CNOT1: variants seen among roughly 807,000 people sequenced by gnomAD.
CNOT1 encodes the protein CCR4-NOT transcription complex subunit 1.
CNOT1 carries 15 observed loss-of-function variants against 273.8 expected under a neutral mutation model. That is an observed-to-expected ratio of 0.05 (90% CI 0.04 to 0.08). The LOEUF is 0.08. Ranked by LOEUF, CNOT1 falls within the 10% of genes least tolerant of loss-of-function variation. The pLI is 1.00. For synonymous variants in CNOT1, 1,022 were observed against 1,005.5 expected (o/e 1.02, Z -0.31); for missense variants, 1,644 against 2,912.2 (o/e 0.56, Z 10.02).
chr16:58,620,653 T>TAAAAAAAAAAAAAA (rs200053031), intron 1 of CNOT1, among the ~76,000 whole-genome samples: 4 of 106,836 alleles, frequency 3.7e-5, no homozygotes, highest in African/African-American at 1.5e-4. Context: ...CTGTCTCATT[T>TAAAAAAAAAAAAAA]AAAAAAAAAA....
At chr16:58,574,948 G>C in intron 15 of CNOT1, 59 bp downstream of exon 15, 5 of 1,596,388 alleles carry the variant, frequency 3.1e-6, no homozygotes, top group Non-Finnish European at 4.3e-6. Context: ...AGTTGTACTT[G>C]ATAGCCATTT....
At position 58,546,590 on chromosome 16, in the gene CNOT1, C is replaced by A; in HGVS notation, c.3828+82G>T. On this transcript the variant is annotated intron_variant, in intron 28 of 48. Transcript: ENST00000317147. ...TACTTTCAGTTATTATAGTACTTCC[C>A]CCGAAATACCCTGCCTTCACTGTAA... The A allele has an allele frequency of 1.9e-6, 3 of 1,608,250 alleles. No homozygotes were observed. In the South Asian group the frequency reaches 3.3e-5, roughly 18 times the overall value.
chr16:58,541,487 T>C lies in CNOT1; in HGVS notation c.4800+14A>G, dbSNP rs747283789. ...AATTGGCAAAACACTCAATTTAATC[T>C]AAAACACATTTACCTTCATGGGCTG... On this transcript the variant is annotated intron_variant, in intron 34 of 48. Coordinates refer to ENST00000317147, the MANE Select transcript of CNOT1 (RefSeq NM_016284.5). 6.2e-7 allele frequency: 1 copy of C among 1,609,362 alleles called. No homozygotes were observed. Among genetic ancestry groups the C allele is most frequent in the Non-Finnish European group, 8.5e-7 (1 of 1,177,836 alleles).
At chr16:58,587,754 C>G in intron 4 of CNOT1, 26 bp downstream of exon 4, 1 of 1,609,018 alleles carries the variant, frequency 6.2e-7, no homozygotes. Context: ...AGAGATCACA[C>G]TCTTAAAGAT....
chr16:58,528,413 T>G, intron 44 of CNOT1, 62 bp downstream of exon 44: 2 of 1,190,602 alleles, frequency 1.7e-6, no homozygotes, highest in Non-Finnish European at 1.2e-6. Context: ...AACAGTCTAC[T>G]TATCAGAGAA....
chr16:58,552,695 A>G (rs146870677), intron 22 of CNOT1, among the ~76,000 whole-genome samples: 4 of 152,348 alleles, frequency 2.6e-5, no homozygotes, highest in East Asian at 1.9e-4. Flanking sequence ...AAAATACAGA[A>G]TATCAAGTAG....
chr16:58,551,192 A>G lies in CNOT1; in HGVS notation c.3282T>C (p.Asn1094=). 6.2e-7 allele frequency: 1 copy of G among 1,610,484 alleles called. No homozygotes were observed. Among genetic ancestry groups the G allele is most frequent in the Non-Finnish European group, 8.5e-7 (1 of 1,179,102 alleles). Residue 1094 remains asparagine, a synonymous_variant, in exon 24 of 49, where the codon AAT becomes AAC. Transcript: ENST00000317147. ...QTERIVEPPE[N]IQEKIAFIFN... is the part of the protein sequence containing the mutation. ...AAATAAAAGCAATTTTCTCCTGGAT[A>G]TTTTCTGGGGGCTCCACAATTCTCT...
chr16:58,522,237 C>CAAA (rs56149974), intron 47 of CNOT1, among the ~76,000 whole-genome samples: 30 of 98,580 alleles, frequency 3.0e-4, no homozygotes, highest in Admixed American at 1.2e-3. Flanking sequence ...GAGACTGTCT[C>CAAA]AAAAAAAAAA....
intron 13 of CNOT1, among the ~76,000 whole-genome samples, chr16:58,577,766 G>A (rs1306418199): frequency 6.6e-6 from 1 of 151,828 alleles, no homozygotes; most frequent in East Asian, 1.9e-4. Context: ...ACTGAGCCTG[G>A]GAGGTTGAGG....
rs181552081 is a variant in CNOT1, at chr16:58,571,669, G to A, written c.1979+2940C>T. On this transcript the variant is annotated intron_variant, in intron 16 of 48. Coordinates refer to ENST00000317147, the MANE Select transcript of CNOT1 (RefSeq NM_016284.5). ...ACGGAAAAACTGACAAAACTGAAGG[G>A]AGAAAAAGACAGTTAAAATAATAGG... 5.1e-4 allele frequency among the ~76,000 whole-genome samples: 78 copies of A among 151,984 alleles called. No homozygotes were observed. In the East Asian group the frequency reaches 0.012, roughly 23 times the overall value.
At chr16:58,625,378 G>A (rs962165897) in intron 1 of CNOT1, among the ~76,000 whole-genome samples, 8 of 152,192 alleles carry the variant, frequency 5.3e-5, no homozygotes, top group African/African-American at 1.4e-4. Context: ...CGGGCATGGC[G>A]GCGTGCGCCT....
chr16:58,564,199 T>C (rs2040957892), intron 16 of CNOT1, among the ~76,000 whole-genome samples: 1 of 152,126 alleles, frequency 6.6e-6, no homozygotes, highest in African/African-American at 2.4e-5. Context: ...TGATAGTGAC[T>C]AACTACAGGA....
chr16:58,555,187 G>C lies in CNOT1; in HGVS notation c.2891+64C>G, dbSNP rs1370773888. 1.9e-6 allele frequency: 3 copies of C among 1,571,376 alleles called. No homozygotes were observed. The African/African-American group carries it at 4.1e-5, about 21-fold the overall frequency. ...TGCGCCACTGCACTCCAGCCTGGAT[G>C]AGAGTTAAGACCCTGTCTGCGGGGT... On this transcript the variant is annotated intron_variant, in intron 21 of 48. Coordinates refer to ENST00000317147, the MANE Select transcript of CNOT1 (RefSeq NM_016284.5).
chr16:58,550,840 C>T (rs1164293186), intron 24 of CNOT1, among the ~76,000 whole-genome samples: 1 of 131,602 alleles, frequency 7.6e-6, no homozygotes. Flanking sequence ...GTAATAAATA[C>T]TCTGAATAGT....
chr16:58,590,359 C>T (rs983809044), intron 2 of CNOT1, among the ~76,000 whole-genome samples: 2 of 152,124 alleles, frequency 1.3e-5, no homozygotes, highest in African/African-American at 4.8e-5. Flanking sequence ...AACATGAAAG[C>T]TGTCTAAGTT....
At chr16:58,626,285 G>C (rs1325161187) in intron 1 of CNOT1, among the ~76,000 whole-genome samples, 1 of 151,540 alleles carries the variant, frequency 6.6e-6, no homozygotes. Flanking sequence ...GCAGGCACCT[G>C]TAATCCAGCT....
At chr16:58,548,171 A>C (rs1164348904) in intron 25 of CNOT1, among the ~76,000 whole-genome samples, 1 of 152,250 alleles carries the variant, frequency 6.6e-6, no homozygotes, top group Non-Finnish European at 1.5e-5. Context: ...GGTCATTAAC[A>C]AATCTCTGCA....
At chr16:58,521,954 TA>T (rs1393202988) in intron 47 of CNOT1, among the ~76,000 whole-genome samples, 1 of 151,898 alleles carries the variant, frequency 6.6e-6, no homozygotes, top group African/African-American at 2.4e-5. Context: ...CTGTCTCAAA[TA>T]AACAGATAAA....
intron 29 of CNOT1, 56 bp from the exon 30 acceptor site, chr16:58,545,547 A>C: frequency 6.2e-7 from 1 of 1,605,498 alleles, no homozygotes; most frequent in East Asian, 2.2e-5. Context: ...ACTTTATTAT[A>C]AAATTAGCTT....
Sources: gnomAD v4.1 joint callset for allele counts (sites outside exome capture counted in the v4.1 genomes callset) on GRCh38, gnomAD v4.1.1 for gene constraint, MANE v1.5 for transcripts, NCBI Gene and HGNC (gene_info 2026-07-23, HGNC 2026-07-21) for gene names.